Variants in SRL observed in about 807,000 individuals in gnomAD.
The protein encoded by SRL is sarcalumenin.
SRL carries 23 observed loss-of-function variants against 39.5 expected under a neutral mutation model. The ratio of observed to expected loss-of-function variants is 0.58; its 90% confidence interval spans 0.42 to 0.82. The LOEUF (loss-of-function observed/expected upper bound fraction) is 0.82, where lower values mean the gene tolerates loss of function less well. Among genes scored for constraint, SRL ranks in the 40% least tolerant of loss-of-function variants. The pLI, the probability that SRL is intolerant of heterozygous loss-of-function variation, is 0.00. For synonymous variants in SRL, 272 were observed against 237.4 expected (o/e 1.15, Z -1.34); for missense variants, 592 against 607.8 (o/e 0.97, Z 0.27).
At chr16:4,213,979 C>T (rs1476173156) in intron 1 of SRL, among the ~76,000 whole-genome samples, 1 of 152,184 alleles carries the variant, frequency 6.6e-6, no homozygotes, top group Non-Finnish European at 1.5e-5. Context: ...CTGGGAGCGA[C>T]CATGACCTGC....
At chr16:4,209,137 G>A (rs2052362011) in intron 1 of SRL, among the ~76,000 whole-genome samples, 9 of 152,072 alleles carry the variant, frequency 5.9e-5, no homozygotes, top group Admixed American at 4.6e-4. Flanking sequence ...AGCTGGGTGT[G>A]GTGACACACA....
chr16:4,195,963 C>T (rs118058339), intron 4 of SRL, among the ~76,000 whole-genome samples, 177 bp from the exon 5 acceptor site: 2,642 of 152,120 alleles, frequency 0.017, 41 homozygotes, highest in Non-Finnish European at 0.027. Flanking sequence ...ATAAAATTTA[C>T]CTTTTTTTTC....
chr16:4,233,566 G>A (rs1420594479), intron 1 of SRL, among the ~76,000 whole-genome samples: 1 of 152,030 alleles, frequency 6.6e-6, no homozygotes, highest in Non-Finnish European at 1.5e-5. Flanking sequence ...CTGGTGGGGG[G>A]GTGTTAGTTA....
intron 1 of SRL, among the ~76,000 whole-genome samples, chr16:4,235,847 G>A (rs951321778): frequency 6.6e-6 from 1 of 152,190 alleles, no homozygotes; most frequent in Non-Finnish European, 1.5e-5. Flanking sequence ...CCCAGCACTT[G>A]GGAGGCCGAG....
chr16:4,204,758 C>G, intron 1 of SRL, 124 bp from the exon 2 acceptor site: 3 of 714,044 alleles, frequency 4.2e-6, no homozygotes, highest in Non-Finnish European at 7.3e-6. Flanking sequence ...CCAAGTTACA[C>G]TGGACTGAGC....
In SRL at chr16:4,192,316, C is replaced by T; in HGVS notation, c.1259G>A (p.Cys420Tyr). Residue 420 changes from cysteine to tyrosine, a missense_variant, in exon 6 of 6, where the codon TGC (cysteine) becomes TAC (tyrosine). Physicochemically the swap from Cys to Tyr is radical, Grantham distance 194. Transcript: ENST00000399609. This position sits in a 1 kb window ranked among gnomAD's most constrained non-coding sequence, Gnocchi z 4.0. ...ISSFKLLSQQ[C>Y]SYMGGCFLEK... ...CAGAAAGCAACCTCCCATGTAGGAGCACTGCTGGGAGAGCAGTTTGAAACT... is the reference window on the plus strand; with the variant it reads ...CAGAAAGCAACCTCCCATGTAGGAGTACTGCTGGGAGAGCAGTTTGAAACT... 6.8e-6 allele frequency: 11 copies of T among 1,614,198 alleles called. No homozygotes were observed. Among genetic ancestry groups the T allele is most frequent in the South Asian group, 1.1e-5 (1 of 91,084 alleles).
intron 1 of SRL, among the ~76,000 whole-genome samples, chr16:4,230,222 C>T (rs139995115): frequency 6.6e-5 from 10 of 152,258 alleles, no homozygotes; most frequent in Non-Finnish European, 1.5e-4. Flanking sequence ...GTCTGCAGAG[C>T]TCCAGATCAG....
chr16:4,197,755 A>G, intron 4 of SRL, 44 bp downstream of exon 4: 2 of 1,357,698 alleles, frequency 1.5e-6, no homozygotes, highest in East Asian at 2.3e-5. Flanking sequence ...GTGCTTTTAC[A>G]TACAACATTC....
intron 1 of SRL, among the ~76,000 whole-genome samples, chr16:4,223,033 T>C (rs2052547448): frequency 6.6e-6 from 1 of 151,850 alleles, no homozygotes; most frequent in East Asian, 2.0e-4. Flanking sequence ...AGTTCCAGAC[T>C]AGCCTGGCCA....
At chr16:4,213,404 CTTT>C (rs1176583909) in intron 1 of SRL, among the ~76,000 whole-genome samples, 124 of 69,558 alleles carry the variant, frequency 1.8e-3, no homozygotes, top group African/African-American at 9.9e-3. Context: ...TTTTCTTTTT[CTTT>C]TTTTTTTTTT....
At chr16:4,197,452 C>T (rs1219999790) in intron 4 of SRL, among the ~76,000 whole-genome samples, 10 of 120,612 alleles carry the variant, frequency 8.3e-5, no homozygotes, top group Non-Finnish European at 1.1e-4. Context: ...GACGGAGTCT[C>T]GCTCTGTCAC....
chr16:4,220,681 C>T (rs752817106), intron 1 of SRL, among the ~76,000 whole-genome samples: 31 of 152,292 alleles, frequency 2.0e-4, no homozygotes, highest in Non-Finnish European at 4.1e-4. Context: ...CTCTGGTGAA[C>T]TTTGTGTCAC....
At position 4,192,151 on chromosome 16, in the gene SRL, A is replaced by T. The variant is rs756982659; in HGVS notation, c.*2T>A. 4 of 1,545,126 alleles carry T rather than the reference A, an allele frequency of 2.6e-6. No individual in the cohort carries two copies. Among genetic ancestry groups the T allele is most frequent in the Non-Finnish European group, 3.5e-6 (4 of 1,149,614 alleles). On this transcript the variant is annotated 3_prime_UTR_variant, in exon 6 of 6. Transcript: ENST00000399609. The surrounding 1 kb of genome is among the most constrained non-coding windows in gnomAD (Gnocchi z 4.0). Reference sequence around the variant, plus strand: ...ACAGGAACCCAAGGACCGCTCCACCACCTAGTGCTTCCTGTAGCGATTTTT... The same window carrying T: ...ACAGGAACCCAAGGACCGCTCCACCTCCTAGTGCTTCCTGTAGCGATTTTT...
At chr16:4,222,584 T>C (rs1201175140) in intron 1 of SRL, among the ~76,000 whole-genome samples, 1 of 152,160 alleles carries the variant, frequency 6.6e-6, no homozygotes, top group Admixed American at 6.6e-5. Context: ...TTTTTGTTTT[T>C]TTCTTTTAAC....
chr16:4,192,461 C>G lies in SRL; in HGVS notation c.1114G>C (p.Val372Leu). 1 of 1,614,218 alleles carries G rather than the reference C, an allele frequency of 6.2e-7. No individual in the cohort carries two copies. The highest frequency in any genetic ancestry group is 8.5e-7 in the Non-Finnish European group (1 of 1,180,044). The change falls in exon 6 of 6, where the codon GTG (valine) becomes CTG (leucine). Residue 372 changes from valine (V) to leucine (L), a missense_variant. By Grantham distance (32) the Val-to-Leu change is conservative (BLOSUM62 1). Coordinates refer to ENST00000399609, the MANE Select transcript of SRL (RefSeq NM_001098814.2). This position sits in a 1 kb window ranked among gnomAD's most constrained non-coding sequence, Gnocchi z 4.0. Reference protein sequence around the residue: ...SDGELVFKDIVEDPDKFYIFK... With the variant: ...SDGELVFKDILEDPDKFYIFK... ...ATGTAGAATTTATCGGGATCTTCCA[C>G]AATGTCCTTAAAGACCAGTTCTCCA...
At chr16:4,224,453 C>A (rs775617524) in intron 1 of SRL, among the ~76,000 whole-genome samples, 1 of 152,044 alleles carries the variant, frequency 6.6e-6, no homozygotes, top group East Asian at 1.9e-4. Context: ...TGCCTGTAAT[C>A]CCAGCACTTT....
intron 1 of SRL, among the ~76,000 whole-genome samples, chr16:4,227,419 TGATG>T (rs2141062793): frequency 6.7e-6 from 1 of 149,578 alleles, no homozygotes; most frequent in African/African-American, 2.5e-5. Flanking sequence ...ATGGGTAGAC[TGATG>T]GATGGAAGGA....
At chr16:4,233,935 T>G (rs1464866539) in intron 1 of SRL, among the ~76,000 whole-genome samples, 2 of 152,146 alleles carry the variant, frequency 1.3e-5, no homozygotes, top group African/African-American at 4.8e-5. Context: ...TCTTCAGGAT[T>G]TGGCACCCAA....
At chr16:4,215,158 G>T (rs75572169) in intron 1 of SRL, among the ~76,000 whole-genome samples, 1,912 of 152,292 alleles carry the variant, frequency 0.013, 43 homozygotes, top group African/African-American at 0.043. Context: ...CTGGAGGAAG[G>T]CTTGTCTGCA....
Sources: gnomAD v4.1 joint callset for allele counts (sites outside exome capture counted in the v4.1 genomes callset) on GRCh38, gnomAD v4.1.1 for gene constraint, Gnocchi (gnomAD v3.1) non-coding constraint, MANE v1.5 for transcripts, NCBI Gene and HGNC (gene_info 2026-07-23, HGNC 2026-07-21) for gene names.